The following ARHGEF12 variants were observed in gnomAD, a reference collection of about 807,000 sequenced individuals.
The protein encoded by ARHGEF12 is KMT2A/ARHGEF12 fusion protein.
ARHGEF12 carries 66 observed loss-of-function variants against 211.2 expected under a neutral mutation model. That is an observed-to-expected ratio of 0.31 (90% CI 0.26 to 0.38). The LOEUF (loss-of-function observed/expected upper bound fraction) is 0.38. Among genes scored for constraint, ARHGEF12 ranks in the 10% least tolerant of loss-of-function variants. The pLI is 1.00. For missense variants in ARHGEF12, 1,429 were observed against 1,869.5 expected, an observed-to-expected ratio of 0.76 and a Z score of 4.34; for synonymous variants, 592 against 638.4, an observed-to-expected ratio of 0.93 and a Z score of 1.09.
intron 1 of ARHGEF12, among the ~76,000 whole-genome samples, chr11:120,359,604 TC>T (rs1289303247): frequency 1.3e-5 from 2 of 152,212 alleles, no homozygotes; most frequent in Non-Finnish European, 2.9e-5. Context: ...GGTACAAATA[TC>T]TAGTGGACAA....
chr11:120,485,212 A>G lies in ARHGEF12; in HGVS notation c.*135A>G. Reference sequence around the variant, plus strand: ...CCTGTGAACCACCTGGGATTAGTCAAGTCCCAAGGTGCCCAGAGTGGGACT... The same window carrying G: ...CCTGTGAACCACCTGGGATTAGTCAGGTCCCAAGGTGCCCAGAGTGGGACT... On this transcript the variant is annotated 3_prime_UTR_variant, in exon 41 of 41. Transcript: ENST00000397843. 9.0e-7 allele frequency: 1 copy of G among 1,111,802 alleles called. No homozygotes were observed. Among genetic ancestry groups the G allele is most frequent in the African/African-American group, 1.5e-5 (1 of 65,042 alleles). 68.9% of individuals were successfully genotyped at this position (1,111,802 alleles called of 1,614,324 possible).
chr11:120,424,514 T>C (rs1270264793), intron 7 of ARHGEF12, 99 bp downstream of exon 7: 1 of 930,740 alleles, frequency 1.1e-6, no homozygotes, highest in Admixed American at 1.9e-5. Flanking sequence ...ATATTTAGGC[T>C]ATGTGGACTA....
intron 11 of ARHGEF12, among the ~76,000 whole-genome samples, chr11:120,435,267 A>G (rs1398607104): frequency 6.6e-6 from 1 of 152,018 alleles, no homozygotes; most frequent in South Asian, 2.1e-4. Context: ...CCATTTTCTA[A>G]TTATATTTTC....
chr11:120,436,147 T>TA (rs2135751961), intron 11 of ARHGEF12, among the ~76,000 whole-genome samples: 1 of 152,330 alleles, frequency 6.6e-6, no homozygotes, highest in African/African-American at 2.4e-5. Flanking sequence ...CAGTATGAGT[T>TA]ACTCTTTTCT....
At chr11:120,365,400 A>G (rs2135383356) in intron 1 of ARHGEF12, among the ~76,000 whole-genome samples, 2 of 152,328 alleles carry the variant, frequency 1.3e-5, no homozygotes, top group Middle Eastern at 3.4e-3. Context: ...CAGTGGTGAT[A>G]GGATTGGAGA....
intron 1 of ARHGEF12, among the ~76,000 whole-genome samples, chr11:120,376,847 G>C (rs1943740943): frequency 6.6e-6 from 1 of 152,052 alleles, no homozygotes; most frequent in African/African-American, 2.4e-5. Context: ...CGTGAGTTCA[G>C]ATGTTTTAAT....
intron 28 of ARHGEF12, among the ~76,000 whole-genome samples, chr11:120,465,679 G>C (rs1257248003): frequency 6.6e-6 from 1 of 152,126 alleles, no homozygotes; most frequent in East Asian, 1.9e-4. Flanking sequence ...TGTTGGCCAG[G>C]CTGGGCTCGA....
chr11:120,434,392 G>T (rs1945635129), intron 11 of ARHGEF12, among the ~76,000 whole-genome samples: 2 of 152,178 alleles, frequency 1.3e-5, no homozygotes, highest in African/African-American at 4.8e-5. Context: ...AGTGAGAAAT[G>T]ATAAAGTCCA....
At position 120,445,476 on chromosome 11, in the gene ARHGEF12, G is replaced by A. The variant is rs981275819; in HGVS notation, c.1345+12G>A. The A allele has an allele frequency of 1.2e-6, 2 of 1,613,282 alleles. No homozygotes were observed. Among genetic ancestry groups the A allele is most frequent in the African/African-American group, 2.7e-5 (2 of 75,026 alleles). ...GTCTGCAGATCTAGGTAAGCTTGGA[G>A]CACTAACATCCTGGAGAATTACATC... On this transcript the variant is annotated intron_variant, in intron 16 of 40. Transcript: ENST00000397843.
chr11:120,485,114 T>A lies in ARHGEF12; in HGVS notation c.*37T>A. The stretch of plus-strand genomic sequence containing the variant: ...CTGGAGGTGACTGCAGGTTGTTGGA[T>A]TTGGAGTATCGGCCGTGTCTCACCA... On this transcript the variant is annotated 3_prime_UTR_variant, in exon 41 of 41. Coordinates refer to ENST00000397843, the MANE Select transcript of ARHGEF12 (RefSeq NM_015313.3). 6.2e-7 allele frequency: 1 copy of A among 1,613,030 alleles called. No individual in the cohort carries two copies. The highest frequency in any genetic ancestry group is 1.1e-5 in the South Asian group (1 of 90,966).
chr11:120,342,056 A>G (rs1942553062), intron 1 of ARHGEF12, among the ~76,000 whole-genome samples: 1 of 152,172 alleles, frequency 6.6e-6, no homozygotes, highest in Non-Finnish European at 1.5e-5. Context: ...TTAAGTCAAG[A>G]TTATAAAACT....
At chr11:120,477,547 C>G in intron 36 of ARHGEF12, 21 bp downstream of exon 36, 1 of 1,595,224 alleles carries the variant, frequency 6.3e-7, no homozygotes, top group Non-Finnish European at 8.6e-7. Flanking sequence ...CTGAAGAGTT[C>G]AATGGAGAAT....
In ARHGEF12 at chr11:120,477,542, G is replaced by T. The variant is rs762094057; in HGVS notation, c.3532+16G>T. 1.9e-6 allele frequency: 3 copies of T among 1,602,552 alleles called. No homozygotes were observed. Among genetic ancestry groups the T allele is most frequent in the Non-Finnish European group, 1.7e-6 (2 of 1,173,262 alleles). ...CAGAGTCCAGGTACACTCTTCTGAAGAGTTCAATGGAGAATGTGCTCTATT... is the reference window on the plus strand; with the variant it reads ...CAGAGTCCAGGTACACTCTTCTGAATAGTTCAATGGAGAATGTGCTCTATT... On this transcript the variant is annotated intron_variant, in intron 36 of 40. Transcript: ENST00000397843.
intron 39 of ARHGEF12, among the ~76,000 whole-genome samples, chr11:120,483,804 C>T (rs574894241): frequency 6.6e-5 from 10 of 152,164 alleles, no homozygotes; most frequent in East Asian, 1.9e-4. Flanking sequence ...TTAGTAGAGA[C>T]GGGGTTTCAC....
chr11:120,442,846 C>T (rs1945922998), intron 15 of ARHGEF12, among the ~76,000 whole-genome samples: 1 of 151,964 alleles, frequency 6.6e-6, no homozygotes, highest in African/African-American at 2.4e-5. Context: ...CTTTTTCCCT[C>T]CTAAAACCTC....
chr11:120,384,915 G>A (rs1167517615), intron 1 of ARHGEF12, among the ~76,000 whole-genome samples: 1 of 148,544 alleles, frequency 6.7e-6, no homozygotes, highest in Non-Finnish European at 1.5e-5. Context: ...AACTTATTTG[G>A]TTTATCTGGC....
In ARHGEF12 at chr11:120,485,257, G is replaced by C. The variant is rs562092648; in HGVS notation, c.*180G>C. ...GGGACTAGTTCTTCACAGTGTGGCA[G>C]CTGCACTAATCTGTTTGTGAGGGAA... On this transcript the variant is annotated 3_prime_UTR_variant, in exon 41 of 41. Transcript: ENST00000397843. The C allele has an allele frequency of 5.9e-4, 369 of 623,142 alleles. 5 individuals are homozygous for C. In the South Asian group the frequency reaches 7.1e-3, roughly 12 times the overall value. 38.6% of individuals were successfully genotyped at this position (623,142 alleles called of 1,614,324 possible).
intron 1 of ARHGEF12, among the ~76,000 whole-genome samples, chr11:120,383,619 T>C (rs1007028547): frequency 1.3e-5 from 2 of 152,060 alleles, no homozygotes; most frequent in East Asian, 1.9e-4. Context: ...GGGTTCCTGC[T>C]CCTCTGAGCA....
chr11:120,472,073 ACTCT>A (rs1285409624), intron 30 of ARHGEF12, among the ~76,000 whole-genome samples: 2 of 152,088 alleles, frequency 1.3e-5, no homozygotes, highest in African/African-American at 2.4e-5. Context: ...AAATGAAATA[ACTCT>A]CTATATGTGC....
Sources: gnomAD v4.1 joint callset for allele counts (sites outside exome capture counted in the v4.1 genomes callset) on GRCh38, gnomAD v4.1.1 for gene constraint, MANE v1.5 for transcripts, NCBI Gene and HGNC (gene_info 2026-07-23, HGNC 2026-07-21) for gene names.